PIGV: variants seen among roughly 807,000 people sequenced by gnomAD.
The protein encoded by PIGV is GPI alpha-1,6-mannosyltransferase 2.
PIGV carries 27 observed loss-of-function variants against 39.2 expected under a neutral mutation model. The observed-to-expected ratio is 0.69, with a 90% CI of 0.51 to 0.95. The LOEUF (loss-of-function observed/expected upper bound fraction) is 0.95, where lower values mean the gene tolerates loss of function less well. Ranked by LOEUF, PIGV falls within the 40% of genes least tolerant of loss-of-function variation. PIGV has a pLI of 0.00. For missense variants in PIGV, 523 were observed against 586.4 expected (o/e 0.89, Z 1.12); for synonymous variants, 232 against 241.7 (o/e 0.96, Z 0.37).
At chr1:26,795,385 T>C (rs933369340) in intron 3 of PIGV, 151 bp downstream of exon 3, 2 of 1,051,522 alleles carry the variant, frequency 1.9e-6, no homozygotes, top group Admixed American at 4.0e-5. Context: ...TATGCCAGAC[T>C]CTGGGTCAGA....
At chr1:26,790,652 T>C in intron 1 of PIGV, 107 bp from the exon 2 acceptor site, 1 of 640,958 alleles carries the variant, frequency 1.6e-6, no homozygotes, top group East Asian at 2.8e-5. Flanking sequence ...AGTTAGGTGG[T>C]TGGTTAAGTT....
chr1:26,798,583 C>A lies in PIGV; in HGVS notation c.*739C>A, dbSNP rs2081416374. Reference sequence around the variant, plus strand: ...AAAATTAGCCGTGCATGATGGTACACACCTGTAATCCTACTCGGGAGGCTG... The same window carrying A: ...AAAATTAGCCGTGCATGATGGTACAAACCTGTAATCCTACTCGGGAGGCTG... On this transcript the variant is annotated 3_prime_UTR_variant, in exon 4 of 4. Transcript: ENST00000674202. Among the ~76,000 whole-genome samples, 1 of 152,270 alleles carries A rather than the reference C, an allele frequency of 6.6e-6. No homozygotes were observed. The highest frequency in any genetic ancestry group is 2.1e-4 in the South Asian group (1 of 4,826).
At chr1:26,792,031 C>T (rs1278269104) in intron 2 of PIGV, among the ~76,000 whole-genome samples, 3 of 152,306 alleles carry the variant, frequency 2.0e-5, no homozygotes, top group Admixed American at 6.5e-5. Flanking sequence ...TTCCTCTAGG[C>T]AGTTCATTCA....
chr1:26,799,721 T>A lies in PIGV; in HGVS notation c.*1877T>A, dbSNP rs2081430060. ...ACAGCTGAGAGAATTTGGTTCAGAG[T>A]CAAATGCTTCTGAAAATGTACACAC... On this transcript the variant is annotated 3_prime_UTR_variant, in exon 4 of 4. Transcript: ENST00000674202. Among the ~76,000 whole-genome samples, 1 of 152,118 alleles carries A rather than the reference T, an allele frequency of 6.6e-6. No individual in the cohort carries two copies. The highest frequency in any genetic ancestry group is 1.5e-5 in the Non-Finnish European group (1 of 68,014).
At position 26,795,149 on chromosome 1, in the gene PIGV, T is replaced by G; in HGVS notation, c.1115T>G (p.Leu372Arg). 1 of 1,614,110 alleles carries G rather than the reference T, an allele frequency of 6.2e-7. No individual in the cohort carries two copies. The highest frequency in any genetic ancestry group is 8.5e-7 in the Non-Finnish European group (1 of 1,180,026). ...KNNKTLEKPD[L>R]GFLSPQVFVY... ...AATAAGACCCTAGAGAAGCCCGATC[T>G]TGGATTCCTCAGTCCTCAGGTGTTT... Residue 372 changes from leucine to arginine, a missense_variant, in exon 3 of 4, where the codon CTT becomes CGT. Transcript: ENST00000674202.
Position 26,797,903 on chromosome 1 carries a change from A to C in PIGV, c.*59A>C. The C allele has an allele frequency of 6.9e-7, 1 of 1,448,494 alleles. No individual in the cohort carries two copies. The highest frequency in any genetic ancestry group is 1.1e-5 in the South Asian group (1 of 87,488). 89.7% of individuals were successfully genotyped at this position (1,448,494 alleles called of 1,614,324 possible). On this transcript the variant is annotated 3_prime_UTR_variant, in exon 4 of 4. Coordinates refer to ENST00000674202, the MANE Select transcript of PIGV (RefSeq NM_017837.4). ...TTAACCCAGGGGTCTGAAAGTAAAA[A>C]TACACATTGGAACTGCCTCTGCTGC...
chr1:26,796,017 G>A (rs868720926), intron 3 of PIGV, among the ~76,000 whole-genome samples: 4 of 150,094 alleles, frequency 2.7e-5, no homozygotes, highest in Non-Finnish European at 5.9e-5. Context: ...TGCCACCACC[G>A]CCTAGCTAAT....
rs2081411282 is a variant in PIGV, at chr1:26,798,212, G to A, written c.*368G>A. 3.0e-6 allele frequency: 1 copy of A among 331,118 alleles called. No homozygotes were observed. Among genetic ancestry groups the A allele is most frequent in the African/African-American group, 2.1e-5 (1 of 46,700 alleles). 20.5% of individuals were successfully genotyped at this position (331,118 alleles called of 1,614,324 possible). A position where few individuals can be genotyped will look rare whatever the true frequency, so the allele number is the denominator to read the frequency against. Reference sequence around the variant, plus strand: ...AGTGTAAATTTCATCAAAGGCATTAGCTGACAGGCTGGTAACAGTCCACAC... The same window carrying A: ...AGTGTAAATTTCATCAAAGGCATTAACTGACAGGCTGGTAACAGTCCACAC... On this transcript the variant is annotated 3_prime_UTR_variant, in exon 4 of 4. Transcript: ENST00000674202.
At position 26,798,550 on chromosome 1, in the gene PIGV, A is replaced by C. The variant is rs1054441476; in HGVS notation, c.*706A>C. On this transcript the variant is annotated 3_prime_UTR_variant, in exon 4 of 4. Coordinates refer to ENST00000674202, the MANE Select transcript of PIGV (RefSeq NM_017837.4). ...ACATGGCAAAACCCCGTCTCTACTA[A>C]AAATACAAAAATTAGCCGTGCATGA... 6.6e-6 allele frequency among the ~76,000 whole-genome samples: 1 copy of C among 152,198 alleles called. No homozygotes were observed. The highest frequency in any genetic ancestry group is 2.4e-5 in the African/African-American group (1 of 41,444).
At chr1:26,792,495 T>G (rs1297887455) in intron 2 of PIGV, among the ~76,000 whole-genome samples, 8 of 151,628 alleles carry the variant, frequency 5.3e-5, no homozygotes, top group African/African-American at 1.9e-4. Flanking sequence ...GCCCGGCTAA[T>G]TTTTTGTATT....
In PIGV at chr1:26,799,565, C is replaced by T. The variant is rs930311014; in HGVS notation, c.*1721C>T. Among the ~76,000 whole-genome samples, 2 of 152,190 alleles carry T rather than the reference C, an allele frequency of 1.3e-5. No homozygotes were observed. Among genetic ancestry groups the T allele is most frequent in the African/African-American group, 4.8e-5 (2 of 41,448 alleles). ...TCAAGAATTGGAATTTTGACACACTCCCTCTGACCATGACAGAAAGCTCAA... is the reference window on the plus strand; with the variant it reads ...TCAAGAATTGGAATTTTGACACACTTCCTCTGACCATGACAGAAAGCTCAA... On this transcript the variant is annotated 3_prime_UTR_variant, in exon 4 of 4. Coordinates refer to ENST00000674202, the MANE Select transcript of PIGV (RefSeq NM_017837.4).
rs568016743 is a variant in PIGV, at chr1:26,792,295, G to A, written c.78+1402G>A. Among the ~76,000 whole-genome samples, 24 of 151,086 alleles carry A rather than the reference G, an allele frequency of 1.6e-4. No individual in the cohort carries two copies. In the East Asian group the frequency reaches 2.3e-3, roughly 15 times the overall value. On this transcript the variant is annotated intron_variant, in intron 2 of 3. Coordinates refer to ENST00000674202, the MANE Select transcript of PIGV (RefSeq NM_017837.4). ...AGGCTCTGAAGTAGCTGAGGCGCCCGCCACCACACCCAGCTAATTTTTGTA... is the reference window on the plus strand; with the variant it reads ...AGGCTCTGAAGTAGCTGAGGCGCCCACCACCACACCCAGCTAATTTTTGTA...
At position 26,797,611 on chromosome 1, in the gene PIGV, C is replaced by G; in HGVS notation, c.1249C>G (p.Pro417Ala). Residue 417 changes from proline to alanine, a missense_variant, in exon 4 of 4, where the codon CCA (proline) becomes GCA (alanine). By Grantham distance (27) the Pro-to-Ala change is conservative. Transcript: ENST00000674202. ...CTCCACTCCTATTATGTACTGGTTT[C>G]CAGCTCACTTGCTTCAGGATCAAGA... is the stretch of plus-strand genomic sequence containing the variant. ...GSSTPIMYWF[P>A]AHLLQDQEPL... 6.2e-7 allele frequency: 1 copy of G among 1,614,122 alleles called. No individual in the cohort carries two copies. Among genetic ancestry groups the G allele is most frequent in the Non-Finnish European group, 8.5e-7 (1 of 1,179,998 alleles).
chr1:26,792,606 C>T (rs2081326706), intron 2 of PIGV, among the ~76,000 whole-genome samples: 1 of 152,336 alleles, frequency 6.6e-6, no homozygotes, highest in East Asian at 1.9e-4. Flanking sequence ...GGATTACAGG[C>T]GTGAGCCACC....
chr1:26,790,998 T>G, intron 2 of PIGV, 105 bp downstream of exon 2: 1 of 937,504 alleles, frequency 1.1e-6, no homozygotes, highest in Non-Finnish European at 1.7e-6. Flanking sequence ...TGCCCCTCCA[T>G]GTGGTTGGAA....
chr1:26,793,908 C>CT (rs938454327), intron 2 of PIGV, among the ~76,000 whole-genome samples: 10 of 148,504 alleles, frequency 6.7e-5, no homozygotes, highest in East Asian at 2.0e-4. Context: ...TGTGCTCAGA[C>CT]TTTTTTTTTT....
At chr1:26,789,170 C>T (rs1206264615) in intron 1 of PIGV, 1 of 152,260 alleles carries the variant, frequency 6.6e-6, no homozygotes, top group African/African-American at 2.4e-5. Context: ...TCCGTGATTT[C>T]TCTCGATTCA....
At chr1:26,791,199 C>T (rs1423540247) in intron 2 of PIGV, among the ~76,000 whole-genome samples, 22 of 152,148 alleles carry the variant, frequency 1.4e-4, no homozygotes, top group Admixed American at 1.4e-3. Context: ...GTGGTCTCTC[C>T]AACAGACTGT....
At position 26,794,521 on chromosome 1, in the gene PIGV, T is replaced by C; in HGVS notation, c.487T>C (p.Phe163Leu). ...LLFCLSPANV[F>L]LAAGYSEALF... is the part of the protein sequence containing the mutation. ...TTTCTGTCTCAGCCCTGCCAATGTC[T>C]TCCTGGCAGCTGGTTACTCAGAAGC... is the stretch of plus-strand genomic sequence containing the variant. The change falls in exon 3 of 4, where the codon TTC becomes CTC. Residue 163 changes from phenylalanine to leucine, a missense_variant. Coordinates refer to ENST00000674202, the MANE Select transcript of PIGV (RefSeq NM_017837.4). 6.2e-7 allele frequency: 1 copy of C among 1,614,264 alleles called. No individual in the cohort carries two copies. The highest frequency in any genetic ancestry group is 8.5e-7 in the Non-Finnish European group (1 of 1,180,048).
Sources: gnomAD v4.1 joint callset for allele counts (sites outside exome capture counted in the v4.1 genomes callset) on GRCh38, gnomAD v4.1.1 for gene constraint, MANE v1.5 for transcripts, NCBI Gene and HGNC (gene_info 2026-07-23, HGNC 2026-07-21) for gene names.